IL23R: variants seen among roughly 807,000 people sequenced by gnomAD.
IL23R encodes the protein interleukin 23 receptor.
In IL23R, 34 loss-of-function variants were observed where a neutral mutation model predicts 56.9. That is an observed-to-expected ratio of 0.60 (90% CI 0.45 to 0.80). The LOEUF (loss-of-function observed/expected upper bound fraction) is 0.80. Ranked by LOEUF, IL23R falls within the 30% of genes least tolerant of loss-of-function variation. The pLI, the probability that IL23R is intolerant of heterozygous loss-of-function variation, is 0.00. For missense variants in IL23R, 635 were observed against 730.0 expected, an observed-to-expected ratio of 0.87 and a Z score of 1.50; for synonymous variants, 230 against 249.2, an observed-to-expected ratio of 0.92 and a Z score of 0.73.
chr1:67,166,517 T>C lies in IL23R; in HGVS notation c.-54T>C, dbSNP rs1197428119. On this transcript the variant is annotated 5_prime_UTR_variant, in exon 1 of 11. Transcript: ENST00000347310. ...GTGGCAGCCTGGCTCTGAAGTGGAA[T>C]TATGTGCTTCAAACAGGTTGAAAGG... is the stretch of plus-strand genomic sequence containing the variant. 2.0e-5 allele frequency: 3 copies of C among 152,262 alleles called. No homozygotes were observed. The highest frequency in any genetic ancestry group is 2.9e-5 in the Non-Finnish European group (2 of 68,034). The allele number at this position is 152,262 out of a possible 1,614,324, so 9.4% of individuals were successfully genotyped here.
intron 3 of IL23R, among the ~76,000 whole-genome samples, chr1:67,179,309 T>C (rs1467845636): frequency 6.6e-6 from 1 of 152,240 alleles, no homozygotes; most frequent in Non-Finnish European, 1.5e-5. Flanking sequence ...ATTATTGGCC[T>C]ATTCAGAGAT....
intron 3 of IL23R, among the ~76,000 whole-genome samples, chr1:67,176,384 T>A (rs934578880): frequency 2.0e-4 from 31 of 152,100 alleles, no homozygotes; most frequent in Non-Finnish European, 2.6e-4. Context: ...GAGTACTGAT[T>A]GGCCTGACTT....
intron 8 of IL23R, 36 bp from the exon 9 acceptor site, chr1:67,240,143 T>C (rs1483966037): frequency 1.5e-6 from 2 of 1,357,884 alleles, no homozygotes; most frequent in Admixed American, 3.4e-5. Flanking sequence ...TGAAGACTAA[T>C]GCTTGGTTAA....
chr1:67,248,590 C>A lies in IL23R; in HGVS notation c.1149-7247C>A, dbSNP rs569149214. Among the ~76,000 whole-genome samples, 50 of 152,140 alleles carry A rather than the reference C, an allele frequency of 3.3e-4. 1 individual carries two copies. Among genetic ancestry groups the A allele is most frequent in the Non-Finnish European group, 1.3e-4 (9 of 68,032 alleles). ...TAACTCAGAGGAGTTTGTTATTACC[C>A]ACCTTCTAAAGTCTACTTCTGTCAA... is the stretch of plus-strand genomic sequence containing the variant. On this transcript the variant is annotated intron_variant, in intron 9 of 10. Coordinates refer to ENST00000347310, the MANE Select transcript of IL23R (RefSeq NM_144701.3).
intron 6 of IL23R, among the ~76,000 whole-genome samples, chr1:67,211,320 A>G (rs1003149478): frequency 6.6e-6 from 1 of 152,188 alleles, no homozygotes; most frequent in African/African-American, 2.4e-5. Flanking sequence ...AATGATATTA[A>G]AGAATACTGA....
At chr1:67,234,443 C>G (rs1570901438) in intron 7 of IL23R, among the ~76,000 whole-genome samples, 1 of 151,918 alleles carries the variant, frequency 6.6e-6, no homozygotes, top group East Asian at 1.9e-4. Flanking sequence ...CTAATAAAAC[C>G]CTAGTCAGAT....
At chr1:67,177,842 G>A (rs1012393668) in intron 3 of IL23R, among the ~76,000 whole-genome samples, 7 of 151,196 alleles carry the variant, frequency 4.6e-5, no homozygotes, top group Non-Finnish European at 1.0e-4. Context: ...CATATGGCTA[G>A]CCAGTTTCCC....
chr1:67,179,673 T>C (rs1647062669), intron 3 of IL23R, among the ~76,000 whole-genome samples: 2 of 152,226 alleles, frequency 1.3e-5, no homozygotes, highest in South Asian at 4.1e-4. Flanking sequence ...TTTGAATGTG[T>C]TTGATCTTGC....
chr1:67,140,483 G>A (rs1196001377), intron 1 of IL23R, among the ~76,000 whole-genome samples: 1 of 152,112 alleles, frequency 6.6e-6, no homozygotes, highest in East Asian at 1.9e-4. Context: ...CATAGTCGAA[G>A]TCATGTACAT....
chr1:67,228,091 TTTC>T (rs1650823818), intron 7 of IL23R, among the ~76,000 whole-genome samples: 1 of 83,250 alleles, frequency 1.2e-5, no homozygotes, highest in African/African-American at 4.9e-5. Flanking sequence ...CTTTTCTTTC[TTTC>T]TTTCTTTCTT....
intron 7 of IL23R, among the ~76,000 whole-genome samples, chr1:67,225,672 AT>A (rs1345983902): frequency 9.3e-5 from 14 of 150,144 alleles, no homozygotes; most frequent in Middle Eastern, 3.4e-3. Context: ...ACACCTGGCT[AT>A]TTTTTTTTGC....
Position 67,219,655 on chromosome 1 carries a change from G to C in IL23R, c.880G>C (p.Val294Leu), listed in dbSNP as rs1338228352. The change falls in exon 7 of 11, where the codon GTG becomes CTG. Residue 294 changes from valine to leucine, a missense_variant. By Grantham distance (32) the Val-to-Leu change is conservative (BLOSUM62 1). Coordinates refer to ENST00000347310, the MANE Select transcript of IL23R (RefSeq NM_144701.3). ...GCCAAACATTAAGTACGTATTTCAA[G>C]TGAGATGTCAAGAAACAGGCAAAAG... ...LEPNIKYVFQ[V>L]RCQETGKRYW... 1.9e-6 allele frequency: 3 copies of C among 1,613,982 alleles called. No homozygotes were observed. The African/African-American group carries it at 4.0e-5, about 22-fold the overall frequency.
chr1:67,212,956 C>G (rs1407493293), intron 6 of IL23R, among the ~76,000 whole-genome samples: 1 of 152,080 alleles, frequency 6.6e-6, no homozygotes, highest in African/African-American at 2.4e-5. Context: ...TCACTGCAAC[C>G]TCTGCTTCCC....
chr1:67,195,506 C>G (rs1326477169), intron 4 of IL23R, among the ~76,000 whole-genome samples: 1 of 152,170 alleles, frequency 6.6e-6, no homozygotes, highest in Non-Finnish European at 1.5e-5. Context: ...TGCTCCAAGT[C>G]TTACAACTTA....
At chr1:67,170,576 C>T (rs1054493716) in intron 3 of IL23R, among the ~76,000 whole-genome samples, 11 of 152,046 alleles carry the variant, frequency 7.2e-5, no homozygotes, top group Admixed American at 6.6e-4. Flanking sequence ...TAATTATATA[C>T]CTAGTTTGGG....
intron 1 of IL23R, among the ~76,000 whole-genome samples, chr1:67,155,241 C>G (rs10889658): frequency 0.34 from 51,541 of 151,848 alleles, 8,948 homozygotes; most frequent in Admixed American, 0.47. Flanking sequence ...TTCATTTTGA[C>G]CTTGGAGAAT....
chr1:67,208,405 G>A (rs2102640854), intron 6 of IL23R, among the ~76,000 whole-genome samples: 1 of 152,288 alleles, frequency 6.6e-6, no homozygotes, highest in South Asian at 2.1e-4. Context: ...TCCCATCACG[G>A]GCTTGGAGGC....
chr1:67,260,055 C>A (rs997068522), downstream of IL23R: 2 of 149,314 alleles, frequency 1.3e-5, no homozygotes, highest in Non-Finnish European at 3.0e-5. Context: ...ACTTAAAATT[C>A]TCTTGAGTAG....
rs753301700 is a variant in IL23R, at chr1:67,255,969, A to G, written c.1239+42A>G. On this transcript the variant is annotated intron_variant, in intron 10 of 10. Transcript: ENST00000347310. ...CAACAAAAACTGAGTGGCAATTGAG[A>G]CCAAGAGTGCAGTCTAATAATTAGA... The G allele has an allele frequency of 3.7e-5, 39 of 1,044,110 alleles. No homozygotes were observed. In the Admixed American group the frequency reaches 5.6e-4, roughly 15 times the overall value. The allele number at this position is 1,044,110 out of a possible 1,614,324, so 64.7% of individuals were successfully genotyped here. A position where few individuals can be genotyped will look rare whatever the true frequency, so the allele number is the denominator to read the frequency against.
Sources: allele counts gnomAD v4.1 joint callset (sites outside exome capture counted in the v4.1 genomes callset), GRCh38; gene constraint gnomAD v4.1.1; transcripts MANE v1.5; gene names NCBI Gene and HGNC (gene_info 2026-07-23, HGNC 2026-07-21).